The following SEL1L variants were observed in gnomAD, a reference collection of about 807,000 sequenced individuals.
SEL1L encodes protein sel-1 homolog 1.
Under a neutral mutation model 109.8 loss-of-function variants are expected in SEL1L, and 52 were observed. That is an observed-to-expected ratio of 0.47 (90% CI 0.38 to 0.60). The LOEUF (loss-of-function observed/expected upper bound fraction) is 0.60, where lower values mean the gene tolerates loss of function less well. SEL1L is among the 20% of genes least tolerant of loss of function. SEL1L has a pLI of 0.00. For synonymous variants in SEL1L, 373 were observed against 339.6 expected (o/e 1.10, Z -1.08); for missense variants, 749 against 962.2 (o/e 0.78, Z 2.93).
chr14:81,481,888 G>A (rs942077406), intron 19 of SEL1L, among the ~76,000 whole-genome samples: 8 of 151,926 alleles, frequency 5.3e-5, no homozygotes, highest in South Asian at 2.1e-4. Flanking sequence ...AAAATTAGCC[G>A]GGCGTGGTGG....
At chr14:81,479,337 C>G (rs752982824) in intron 20 of SEL1L, 43 of 229,388 alleles carry the variant, frequency 1.9e-4, no homozygotes, top group Non-Finnish European at 2.9e-4. Flanking sequence ...ATGAGTTAGT[C>G]TCAGTTTTCC....
chr14:81,501,975 A>G (rs1304164586), intron 6 of SEL1L, among the ~76,000 whole-genome samples: 1 of 151,648 alleles, frequency 6.6e-6, no homozygotes, highest in Non-Finnish European at 1.5e-5. Context: ...TATCTCTAAT[A>G]TAGACAAAAA....
intron 3 of SEL1L, among the ~76,000 whole-genome samples, chr14:81,506,685 A>C (rs1435032575): frequency 6.6e-6 from 1 of 151,868 alleles, no homozygotes; most frequent in East Asian, 1.9e-4. Context: ...CCACTCACAC[A>C]CTCCTCTGCA....
At chr14:81,533,352 T>C (rs1188506690) in intron 1 of SEL1L, among the ~76,000 whole-genome samples, 1 of 152,106 alleles carries the variant, frequency 6.6e-6, no homozygotes, top group African/African-American at 2.4e-5. Flanking sequence ...TACCCCAGGG[T>C]CGAGGAAGCT....
In SEL1L at chr14:81,505,986, T is replaced by C. The variant is rs551496501; in HGVS notation, c.508+88A>G. The C allele has an allele frequency of 1.6e-3, 2,080 of 1,322,502 alleles. 2 individuals carry two copies. Among genetic ancestry groups the C allele is most frequent in the Non-Finnish European group, 2.1e-3 (2,008 of 960,946 alleles). 81.9% of individuals were successfully genotyped at this position (1,322,502 alleles called of 1,614,324 possible). A position where few individuals can be genotyped will look rare whatever the true frequency, so the allele number is the denominator to read the frequency against. Reference sequence around the variant, plus strand: ...CAATGCTGGCCATTTCTGACCAATGTGGAAAAAGGATGGCTAGAAAAAGGC... The same window carrying C: ...CAATGCTGGCCATTTCTGACCAATGCGGAAAAAGGATGGCTAGAAAAAGGC... On this transcript the variant is annotated intron_variant, in intron 4 of 20. Coordinates refer to ENST00000336735, the MANE Select transcript of SEL1L (RefSeq NM_005065.6).
At position 81,527,734 on chromosome 14, in the gene SEL1L, T is replaced by C. The variant is rs775898479; in HGVS notation, c.75A>G (p.Glu25=). ...CTAAGGATTCATCCTGGCTGCCTTCTTCATCTGCAAAGAAATTTTAAGACA... is the reference window on the plus strand; with the variant it reads ...CTAAGGATTCATCCTGGCTGCCTTCCTCATCTGCAAAGAAATTTTAAGACA... ...LLSLASASSD[E]EGSQDESLDS... is the part of the protein sequence containing the mutation. The change falls in exon 2 of 21, where the codon GAA becomes GAG. Residue 25 remains glutamate, a synonymous_variant. Transcript: ENST00000336735. 2.5e-6 allele frequency: 4 copies of C among 1,601,912 alleles called. No homozygotes were observed. The highest frequency in any genetic ancestry group is 2.3e-5 in the South Asian group (2 of 88,594).
At chr14:81,491,191 C>T (rs958886530) in intron 12 of SEL1L, among the ~76,000 whole-genome samples, 2 of 152,170 alleles carry the variant, frequency 1.3e-5, no homozygotes, top group African/African-American at 4.8e-5. Flanking sequence ...CTTCTTTCTC[C>T]TCTACCACTA....
chr14:81,479,541 T>G (rs185519035), intron 20 of SEL1L, 71 bp downstream of exon 20: 3 of 1,496,446 alleles, frequency 2.0e-6, no homozygotes, highest in Non-Finnish European at 2.7e-6. Context: ...TTCTCAACTT[T>G]TGAAAAACAA....
chr14:81,478,692 T>C (rs1566969048), intron 20 of SEL1L, among the ~76,000 whole-genome samples: 2 of 152,060 alleles, frequency 1.3e-5, no homozygotes, highest in African/African-American at 4.8e-5. Flanking sequence ...GAGGCCAGAG[T>C]CCCACAAGAC....
intron 6 of SEL1L, among the ~76,000 whole-genome samples, chr14:81,500,399 A>C (rs1204560715): frequency 6.6e-6 from 1 of 151,394 alleles, no homozygotes; most frequent in Non-Finnish European, 1.5e-5. Flanking sequence ...TGCCCAGCTA[A>C]TTTCCTTTTT....
intron 20 of SEL1L, 115 bp downstream of exon 20, chr14:81,479,497 C>A: frequency 9.6e-7 from 1 of 1,045,780 alleles, no homozygotes; most frequent in East Asian, 2.7e-5. Context: ...GAAGGGAACA[C>A]ACCCGATACC....
rs187615366 is a variant in SEL1L, at chr14:81,503,061, C to T, written c.615-178G>A. Among the ~76,000 whole-genome samples the T allele has an allele frequency of 2.0e-5, 3 of 152,334 alleles. No individual in the cohort carries two copies. The East Asian group carries it at 5.8e-4, about 29-fold the overall frequency. The stretch of plus-strand genomic sequence containing the variant: ...CGGCTGGAGTGCAATGGCATAATCT[C>T]GGTTCATTGCAACCTCCACCTCCCA... On this transcript the variant is annotated intron_variant, in intron 5 of 20. Transcript: ENST00000336735.
chr14:81,499,387 A>C (rs1883907482), intron 8 of SEL1L, 72 bp downstream of exon 8: 1 of 1,563,414 alleles, frequency 6.4e-7, no homozygotes, highest in Non-Finnish European at 8.6e-7. Flanking sequence ...AAAGCTGAAA[A>C]AGTTGTGGCC....
At chr14:81,522,559 G>T (rs1002300887) in intron 3 of SEL1L, among the ~76,000 whole-genome samples, 1 of 152,144 alleles carries the variant, frequency 6.6e-6, no homozygotes, top group Non-Finnish European at 1.5e-5. Context: ...TATAGCCGAG[G>T]TATAGGCTAC....
At chr14:81,485,996 T>C (rs897073383) in intron 17 of SEL1L, among the ~76,000 whole-genome samples, 4 of 152,240 alleles carry the variant, frequency 2.6e-5, no homozygotes, top group Non-Finnish European at 1.5e-5. Context: ...ACTGAGTCAC[T>C]CTTCTACAGT....
At chr14:81,492,386 T>G (rs1883575378) in intron 12 of SEL1L, 94 bp downstream of exon 12, 1 of 925,138 alleles carries the variant, frequency 1.1e-6, no homozygotes, top group Non-Finnish European at 1.7e-6. Flanking sequence ...ATTTCCAATT[T>G]ATTTTTGGTA....
chr14:81,502,607 G>A, intron 6 of SEL1L, 114 bp downstream of exon 6: 1 of 1,016,656 alleles, frequency 9.8e-7, no homozygotes, highest in Non-Finnish European at 1.4e-6. Flanking sequence ...CCACAAAATT[G>A]GTATTTATCT....
At position 81,486,355 on chromosome 14, in the gene SEL1L, A is replaced by C; in HGVS notation, c.1732T>G (p.Tyr578Asp). ...DGDYNAAVIQ[Y>D]LLLAEQGYEV... is the part of the protein sequence containing the mutation. ...TAGCCCTGTTCAGCCAGGAGGAGGT[A>C]CTGGATCACTGCAGCATTGTAATCG... Residue 578 changes from tyrosine (Y) to aspartate (D), a missense_variant, in exon 17 of 21, where the codon TAC becomes GAC. By Grantham distance (160) the Tyr-to-Asp change is radical (BLOSUM62 -3). Coordinates refer to ENST00000336735, the MANE Select transcript of SEL1L (RefSeq NM_005065.6). 6.2e-7 allele frequency: 1 copy of C among 1,614,168 alleles called. No individual in the cohort carries two copies. The highest frequency in any genetic ancestry group is 8.5e-7 in the Non-Finnish European group (1 of 1,180,012).
intron 11 of SEL1L, among the ~76,000 whole-genome samples, chr14:81,493,875 C>T (rs1354477326): frequency 6.6e-6 from 1 of 152,202 alleles, no homozygotes; most frequent in Non-Finnish European, 1.5e-5. Flanking sequence ...GTCACACTCT[C>T]CTGGTTTCCA....
Sources: gnomAD v4.1 joint callset for allele counts (sites outside exome capture counted in the v4.1 genomes callset) on GRCh38, gnomAD v4.1.1 for gene constraint, MANE v1.5 for transcripts, NCBI Gene and HGNC (gene_info 2026-07-23, HGNC 2026-07-21) for gene names.